Variants in EEPD1 observed in about 807,000 individuals in gnomAD.
EEPD1 encodes endonuclease/exonuclease/phosphatase family domain-containing protein 1.
A neutral mutation model predicts 46.3 loss-of-function variants in EEPD1; 17 were observed. That is an observed-to-expected ratio of 0.37 (90% CI 0.25 to 0.55). The LOEUF is 0.55. Ranked by LOEUF, EEPD1 falls within the 20% of genes least tolerant of loss-of-function variation. The pLI, the probability that EEPD1 is intolerant of heterozygous loss-of-function variation, is 0.83. For synonymous variants in EEPD1, 313 were observed against 315.6 expected (o/e 0.99, Z 0.09); for missense variants, 673 against 745.6 (o/e 0.90, Z 1.13).
chr7:36,272,503 G>GTTTTTTTTTTTTTTT (rs768898390), intron 3 of EEPD1, among the ~76,000 whole-genome samples: 82 of 122,628 alleles, frequency 6.7e-4, no homozygotes, highest in African/African-American at 1.3e-3. Context: ...GTTTTTTGTT[G>GTTTTTTTTTTTTTTT]TTGTTTTTTT....
chr7:36,288,566 G>A (rs914038905), intron 6 of EEPD1, among the ~76,000 whole-genome samples: 4 of 152,054 alleles, frequency 2.6e-5, no homozygotes, highest in African/African-American at 9.7e-5. Context: ...TTCAAGAGCA[G>A]CTTGGGCAAC....
chr7:36,189,199 CTA>C (rs3053350), intron 2 of EEPD1, among the ~76,000 whole-genome samples: 129,279 of 152,036 alleles, frequency 0.85, 55,740 homozygotes, highest in Middle Eastern at 0.93. Context: ...TGGGAGGGTA[CTA>C]TCCAGCGCCT....
At chr7:36,226,201 G>A (rs1034125725) in intron 2 of EEPD1, among the ~76,000 whole-genome samples, 8 of 152,180 alleles carry the variant, frequency 5.3e-5, no homozygotes, top group Admixed American at 4.6e-4. Flanking sequence ...CTGCTTGTCC[G>A]AAATGGGATG....
intron 2 of EEPD1, 29 bp from the exon 3 acceptor site, chr7:36,238,956 A>G (rs376465775): frequency 6.3e-7 from 1 of 1,598,840 alleles, no homozygotes; most frequent in African/African-American, 1.4e-5. Flanking sequence ...ATTTGTTTTC[A>G]AGTGTGGTTT....
At chr7:36,236,625 C>G (rs1786448639) in intron 2 of EEPD1, among the ~76,000 whole-genome samples, 1 of 152,160 alleles carries the variant, frequency 6.6e-6, no homozygotes, top group Non-Finnish European at 1.5e-5. Flanking sequence ...ACTTGGAGAA[C>G]TTTTCTAGCT....
intron 2 of EEPD1, among the ~76,000 whole-genome samples, chr7:36,236,460 G>GCCGGTCTCCGTCT (rs1334147818): frequency 6.6e-6 from 1 of 152,236 alleles, no homozygotes; most frequent in Non-Finnish European, 1.5e-5. Context: ...GGCCACGACA[G>GCCGGTCTCCGTCT]CCGGTCTCCG....
intron 3 of EEPD1, among the ~76,000 whole-genome samples, chr7:36,274,504 A>G (rs530322989): frequency 2.6e-5 from 4 of 152,332 alleles, no homozygotes; most frequent in African/African-American, 9.6e-5. Context: ...ATACTTGGAC[A>G]TAATTTGGCT....
intron 4 of EEPD1, among the ~76,000 whole-genome samples, chr7:36,282,927 A>C (rs749625634): frequency 6.6e-6 from 1 of 152,262 alleles, no homozygotes; most frequent in Non-Finnish European, 1.5e-5. Flanking sequence ...ACACTATGTG[A>C]ATCAAACAGA....
chr7:36,235,912 C>T (rs1356424468), intron 2 of EEPD1, among the ~76,000 whole-genome samples: 8 of 149,732 alleles, frequency 5.3e-5, no homozygotes, highest in East Asian at 3.9e-4. Flanking sequence ...CCAACATTGT[C>T]TCTAGAACTT....
chr7:36,271,941 G>A (rs1787112558), intron 3 of EEPD1, among the ~76,000 whole-genome samples: 2 of 151,556 alleles, frequency 1.3e-5, no homozygotes, highest in South Asian at 4.2e-4. Flanking sequence ...GAGTGCAATG[G>A]CACAATCTCG....
At chr7:36,264,237 A>G (rs1786975920) in intron 3 of EEPD1, among the ~76,000 whole-genome samples, 1 of 152,240 alleles carries the variant, frequency 6.6e-6, no homozygotes, top group African/African-American at 2.4e-5. Context: ...CTTCAGAAAC[A>G]CAAGCTTGAT....
chr7:36,224,950 GGAA>G (rs1385030199), intron 2 of EEPD1, among the ~76,000 whole-genome samples: 1 of 152,100 alleles, frequency 6.6e-6, no homozygotes, highest in African/African-American at 2.4e-5. Flanking sequence ...GTAAGAGACA[GGAA>G]GAAGGAGATG....
intron 3 of EEPD1, among the ~76,000 whole-genome samples, chr7:36,278,418 G>C (rs1787213550): frequency 6.7e-6 from 1 of 149,928 alleles, no homozygotes; most frequent in Admixed American, 6.7e-5. Context: ...TGCAGACAGG[G>C]AGTCACAGCA....
chr7:36,250,548 T>C (rs531472623), intron 3 of EEPD1, among the ~76,000 whole-genome samples: 1 of 152,358 alleles, frequency 6.6e-6, no homozygotes, highest in East Asian at 1.9e-4. Context: ...CCCATTCAAC[T>C]TATTGTCTGT....
chr7:36,203,960 C>CT (rs369500845), intron 2 of EEPD1, among the ~76,000 whole-genome samples: 16,448 of 142,586 alleles, frequency 0.12, 1,145 homozygotes, highest in Non-Finnish European at 0.17. Flanking sequence ...TTATAAACCA[C>CT]TTTTTTTTTT....
chr7:36,256,772 A>C (rs1786834447), intron 3 of EEPD1, among the ~76,000 whole-genome samples: 1 of 151,990 alleles, frequency 6.6e-6, no homozygotes. Flanking sequence ...TTGGCTTTTT[A>C]TCCAATTTGC....
intron 2 of EEPD1, among the ~76,000 whole-genome samples, chr7:36,196,166 A>G (rs1785579277): frequency 6.6e-6 from 1 of 152,326 alleles, no homozygotes; most frequent in South Asian, 2.1e-4. Flanking sequence ...ATATAGCACC[A>G]TGAATGGAGC....
intron 2 of EEPD1, among the ~76,000 whole-genome samples, chr7:36,176,050 G>C (rs2115642149): frequency 6.6e-6 from 1 of 152,302 alleles, no homozygotes; most frequent in East Asian, 1.9e-4. Context: ...GTCTGAGGAG[G>C]GGAGGCCCAG....
intron 2 of EEPD1, among the ~76,000 whole-genome samples, chr7:36,157,880 G>A (rs1282266596): frequency 3.3e-5 from 5 of 152,142 alleles, no homozygotes; most frequent in Non-Finnish European, 5.9e-5. Context: ...CTGTGTGTTC[G>A]TCCTGATTCA....
Sources: gnomAD v4.1 joint callset for allele counts (sites outside exome capture counted in the v4.1 genomes callset) on GRCh38, gnomAD v4.1.1 for gene constraint, MANE v1.5 for transcripts, NCBI Gene and HGNC (gene_info 2026-07-23, HGNC 2026-07-21) for gene names.